Variants in STK33 observed in about 807,000 individuals in gnomAD.
STK33 encodes the protein serine/threonine-protein kinase 33.
A neutral mutation model predicts 58.0 loss-of-function variants in STK33; 52 were observed. The observed-to-expected ratio is 0.90, with a 90% confidence interval of 0.72 to 1.13. The LOEUF is 1.13. Ranked by LOEUF, STK33 falls within the 50% of genes most tolerant of loss-of-function variation. The pLI is 0.00. For missense variants in STK33, 630 were observed against 604.2 expected (o/e 1.04, Z -0.45); for synonymous variants, 215 against 200.1 (o/e 1.07, Z -0.63).
chr11:8,520,832 A>G (rs893147330), intron 1 of STK33, among the ~76,000 whole-genome samples: 3 of 152,276 alleles, frequency 2.0e-5, no homozygotes, highest in Admixed American at 6.5e-5. Context: ...CCACTGCTCA[A>G]TGAAATAAAA....
intron 1 of STK33, among the ~76,000 whole-genome samples, chr11:8,508,378 A>T (rs7945659): frequency 0.51 from 77,205 of 150,486 alleles, 20,055 homozygotes; most frequent in African/African-American, 0.6. Context: ...AAGTGATCCA[A>T]CTACCTGAGC....
chr11:8,547,278 A>C (rs373063636), intron 1 of STK33, among the ~76,000 whole-genome samples: 39 of 152,254 alleles, frequency 2.6e-4, no homozygotes, highest in Non-Finnish European at 4.7e-4. Context: ...GCAATGGTGC[A>C]ATCTCGGCTC....
At chr11:8,489,329 A>ACCT (rs1950426699) in intron 1 of STK33, among the ~76,000 whole-genome samples, 1 of 151,874 alleles carries the variant, frequency 6.6e-6, no homozygotes, top group Non-Finnish European at 1.5e-5. Context: ...GTATAAATAT[A>ACCT]TTATATTACA....
intron 1 of STK33, among the ~76,000 whole-genome samples, chr11:8,527,581 C>A (rs933262444): frequency 2.0e-5 from 3 of 152,016 alleles, no homozygotes; most frequent in African/African-American, 7.3e-5. Context: ...GTTCCCATGG[C>A]AAGAACTTGG....
At chr11:8,504,405 G>C (rs1299019974) in intron 1 of STK33, among the ~76,000 whole-genome samples, 1 of 152,174 alleles carries the variant, frequency 6.6e-6, no homozygotes, top group Non-Finnish European at 1.5e-5. Flanking sequence ...GTTGTAATGT[G>C]CTAAAGCTGG....
intron 14 of STK33, among the ~76,000 whole-genome samples, chr11:8,416,440 T>C (rs548479935): frequency 3.1e-4 from 47 of 152,290 alleles, no homozygotes; most frequent in African/African-American, 9.4e-4. Flanking sequence ...CTCATTTCCC[T>C]ACATATTTAT....
chr11:8,373,631 C>T, the STK33 span, among the ~76,000 whole-genome samples: 4 of 152,112 alleles, frequency 2.6e-5, no homozygotes, highest in Admixed American at 6.5e-5. Flanking sequence ...TGGTCCTCAG[C>T]GGCATCACCA....
rs192626072 is a variant in STK33 at position 8,392,014 on chromosome 11, C to G, written c.*496G>C. The stretch of plus-strand genomic sequence containing the variant: ...CAATCTATAGCAACCTAAAATCTCA[C>G]GAACACATGTGAATGACTGAAGCAC... On this transcript the variant is annotated 3_prime_UTR_variant, in exon 16 of 16. Transcript: ENST00000687296. 6.4e-6 allele frequency: 1 copy of G among 157,212 alleles called. No homozygotes were observed. Among genetic ancestry groups the G allele is most frequent in the South Asian group, 1.9e-4 (1 of 5,178 alleles). The allele number at this position is 157,212 out of a possible 1,614,324, so 9.7% of individuals were successfully genotyped here.
intron 7 of STK33, among the ~76,000 whole-genome samples, chr11:8,462,440 T>C (rs866823409): frequency 1.9e-3 from 242 of 126,500 alleles, no homozygotes; most frequent in South Asian, 0.01. Flanking sequence ...TATATACATA[T>C]ATACACACAC....
intron 14 of STK33, among the ~76,000 whole-genome samples, chr11:8,417,662 A>T (rs1385243205): frequency 6.6e-6 from 1 of 152,140 alleles, no homozygotes; most frequent in East Asian, 1.9e-4. Flanking sequence ...CCTAGGAGTA[A>T]ATTTTTTCAG....
chr11:8,447,901 C>G (rs1343486537), intron 11 of STK33, among the ~76,000 whole-genome samples: 1 of 152,168 alleles, frequency 6.6e-6, no homozygotes, highest in Non-Finnish European at 1.5e-5. Flanking sequence ...CTGTCTCAGC[C>G]TAAAATCTCC....
intron 1 of STK33, among the ~76,000 whole-genome samples, chr11:8,550,653 C>G (rs1292845514): frequency 6.6e-6 from 1 of 152,158 alleles, no homozygotes; most frequent in Non-Finnish European, 1.5e-5. Context: ...GCCACTGGCT[C>G]TTTTCTAAAA....
chr11:8,493,110 A>C (rs1295079151), intron 1 of STK33, among the ~76,000 whole-genome samples: 3 of 152,212 alleles, frequency 2.0e-5, no homozygotes. Context: ...AGCAGAACTG[A>C]AGGAGATAGA....
chr11:8,524,131 A>T (rs1953816888), intron 1 of STK33, among the ~76,000 whole-genome samples: 1 of 152,152 alleles, frequency 6.6e-6, no homozygotes, highest in Non-Finnish European at 1.5e-5. Flanking sequence ...GCTCCTTAAG[A>T]GTCATCACCG....
In STK33 at chr11:8,454,822, A is replaced by G. The variant is rs1946656498; in HGVS notation, c.708T>C (p.His236=). 1 of 1,554,904 alleles carries G rather than the reference A, an allele frequency of 6.4e-7. No individual in the cohort carries two copies. The highest frequency in any genetic ancestry group is 8.7e-7 in the Non-Finnish European group (1 of 1,146,922). Residue 236 remains histidine, a synonymous_variant, in exon 10 of 16, where the codon CAT becomes CAC. Coordinates refer to ENST00000687296, the MANE Select transcript of STK33 (RefSeq NM_001352389.2). The part of the protein sequence containing the change: ...IAYLHNNDIV[H]RDLKLENIMV... ...TTATATTTTCCAGTTTCAGATCTCT[A>G]TGTACAATATCTACCAAGAAAATAA...
chr11:8,490,632 C>G (rs1591449853), intron 1 of STK33, among the ~76,000 whole-genome samples: 1 of 152,142 alleles, frequency 6.6e-6, no homozygotes, highest in Admixed American at 6.5e-5. Flanking sequence ...GGTCCCTGAC[C>G]CCTGTGTAGC....
chr11:8,553,251 G>GAT (rs111734670), intron 1 of STK33, among the ~76,000 whole-genome samples: 62,054 of 110,966 alleles, frequency 0.56, 16,722 homozygotes, highest in South Asian at 0.63. Flanking sequence ...TGATATATAT[G>GAT]ATATATATAT....
intron 4 of STK33, among the ~76,000 whole-genome samples, 156 bp downstream of exon 4, chr11:8,476,531 T>C (rs1321183666): frequency 6.6e-6 from 1 of 152,182 alleles, no homozygotes; most frequent in Non-Finnish European, 1.5e-5. Flanking sequence ...TACTCCCTTC[T>C]CAAGGCTTTG....
At chr11:8,549,563 A>T (rs1480837551) in intron 1 of STK33, among the ~76,000 whole-genome samples, 1 of 151,992 alleles carries the variant, frequency 6.6e-6, no homozygotes, top group East Asian at 1.9e-4. Context: ...TACAAATGGT[A>T]TTAGCTTTCC....
Sources: gnomAD v4.1 joint callset for allele counts (sites outside exome capture counted in the v4.1 genomes callset) on GRCh38, gnomAD v4.1.1 for gene constraint, MANE v1.5 for transcripts, NCBI Gene and HGNC (gene_info 2026-07-23, HGNC 2026-07-21) for gene names.